The following ESRP1 variants were observed in gnomAD, a reference collection of about 807,000 sequenced individuals.
ESRP1 encodes the protein RNA-binding motif protein 35A.
ESRP1 carries 33 observed loss-of-function variants against 81.7 expected under a neutral mutation model. The ratio of observed to expected loss-of-function variants is 0.40; its 90% CI spans 0.31 to 0.54. The LOEUF is 0.54. Ranked by LOEUF, ESRP1 falls within the 20% of genes least tolerant of loss-of-function variation. The pLI is 0.41. For missense variants in ESRP1, 672 were observed against 833.1 expected (o/e 0.81, Z 2.38); for synonymous variants, 320 against 303.3 (o/e 1.06, Z -0.57).
chr8:94,660,698 C>T (rs190408412), intron 4 of ESRP1, among the ~76,000 whole-genome samples: 268 of 99,440 alleles, frequency 2.7e-3, no homozygotes, highest in Middle Eastern at 0.024. Context: ...GGCAACAGAG[C>T]GAGACTATCT....
intron 3 of ESRP1, 48 bp from the exon 4 acceptor site, chr8:94,646,120 T>C (rs940500348): frequency 9.1e-7 from 1 of 1,094,332 alleles, no homozygotes; most frequent in African/African-American, 1.6e-5. Flanking sequence ...GAGAGAAACA[T>C]TGAACCAAAT....
At chr8:94,691,490 T>C (rs796847867) in intron 13 of ESRP1, among the ~76,000 whole-genome samples, 5 of 152,352 alleles carry the variant, frequency 3.3e-5, no homozygotes, top group African/African-American at 1.2e-4. Context: ...TAATTTGATA[T>C]GTTAAGTCAC....
intron 4 of ESRP1, among the ~76,000 whole-genome samples, chr8:94,661,445 C>T (rs1185147589): frequency 6.6e-6 from 1 of 152,038 alleles, no homozygotes; most frequent in Non-Finnish European, 1.5e-5. Context: ...TAGTGGGAAA[C>T]ACAAAAAATT....
In ESRP1 at chr8:94,641,364, G is replaced by T. The variant is rs1586163300; in HGVS notation, c.46G>T (p.Ala16Ser). The T allele has an allele frequency of 6.2e-7, 1 of 1,613,804 alleles. No individual in the cohort carries two copies. The highest frequency in any genetic ancestry group is 2.2e-5 in the East Asian group (1 of 44,870). The change falls in exon 1 of 16, where the codon GCT becomes TCT. Residue 16 changes from alanine (A) to serine (S), a missense_variant. Physicochemically the swap from Ala to Ser is moderately conservative, Grantham distance 99. Coordinates refer to ENST00000433389, the MANE Select transcript of ESRP1 (RefSeq NM_017697.4). ...CTTGGTGGTGCTTTTTGGGATCACT[G>T]CTGGGGCCACCGGGGCCAAGCTAGG... is the stretch of plus-strand genomic sequence containing the variant. Reference protein sequence around the residue: ...DYLVVLFGITAGATGAKLGSD... With the variant: ...DYLVVLFGITSGATGAKLGSD...
intron 6 of ESRP1, among the ~76,000 whole-genome samples, chr8:94,663,013 A>G (rs942122167): frequency 6.6e-6 from 1 of 152,172 alleles, no homozygotes; most frequent in Non-Finnish European, 1.5e-5. Context: ...TCTGTAAAAG[A>G]AGGTTGTATT....
At chr8:94,663,204 T>C (rs1398662841) in intron 6 of ESRP1, among the ~76,000 whole-genome samples, 1 of 152,208 alleles carries the variant, frequency 6.6e-6, no homozygotes, top group Non-Finnish European at 1.5e-5. Flanking sequence ...GTTCACAATT[T>C]TTACTGAGAT....
At chr8:94,690,774 G>A (rs1348779493) in intron 13 of ESRP1, among the ~76,000 whole-genome samples, 1 of 152,188 alleles carries the variant, frequency 6.6e-6, no homozygotes, top group Admixed American at 6.5e-5. Context: ...AGCTGTGAAA[G>A]TAAGTTGTAT....
chr8:94,650,746 T>C (rs777984945), intron 4 of ESRP1, among the ~76,000 whole-genome samples: 2 of 152,146 alleles, frequency 1.3e-5, no homozygotes, highest in East Asian at 1.9e-4. Context: ...GGAGTCTTGC[T>C]GTATTGCCCA....
chr8:94,672,371 A>G (rs1819370881), intron 11 of ESRP1, among the ~76,000 whole-genome samples: 1 of 152,184 alleles, frequency 6.6e-6, no homozygotes, highest in Non-Finnish European at 1.5e-5. Context: ...ATCTAACTGA[A>G]TTCTTCCATA....
chr8:94,658,815 G>A (rs2130591429), intron 4 of ESRP1, among the ~76,000 whole-genome samples: 1 of 152,312 alleles, frequency 6.6e-6, no homozygotes, highest in South Asian at 2.1e-4. Flanking sequence ...GAAAGTCAAT[G>A]TTAGGTTTTG....
chr8:94,672,856 G>A (rs1819397247), intron 11 of ESRP1, among the ~76,000 whole-genome samples: 1 of 152,360 alleles, frequency 6.6e-6, no homozygotes, highest in Non-Finnish European at 1.5e-5. Flanking sequence ...TAAATGCAAA[G>A]CTGTATTAAT....
At position 94,668,009 on chromosome 8, in the gene ESRP1, G is replaced by T. The variant is rs766582289; in HGVS notation, c.992G>T (p.Arg331Leu). 1 of 1,612,686 alleles carries T rather than the reference G, an allele frequency of 6.2e-7. No individual in the cohort carries two copies. Among genetic ancestry groups the T allele is most frequent in the Non-Finnish European group, 8.5e-7 (1 of 1,179,044 alleles). The change falls in exon 10 of 16, where the codon CGG (arginine) becomes CTG (leucine). Residue 331 changes from arginine to leucine, a missense_variant. By Grantham distance (102) the Arg-to-Leu change is moderately radical (BLOSUM62 -2). Coordinates refer to ENST00000433389, the MANE Select transcript of ESRP1 (RefSeq NM_017697.4). Reference sequence around the variant, plus strand: ...GAAAATCAAGTCATTGTCCGCATGCGGGGGCTCCCTTTCACGGCCACAGCT... The same window carrying T: ...GAAAATCAAGTCATTGTCCGCATGCTGGGGCTCCCTTTCACGGCCACAGCT... ...SKENQVIVRM[R>L]GLPFTATAEE...
chr8:94,678,187 C>G lies in ESRP1; in HGVS notation c.1652-16C>G. 2 of 1,612,746 alleles carry G rather than the reference C, an allele frequency of 1.2e-6. No individual in the cohort carries two copies. The highest frequency in any genetic ancestry group is 1.3e-5 in the African/African-American group (1 of 75,022). ...GTTACAAATATGTCTCAAAGAATCT[C>G]TCTTTGCATATCTAGGCCTGTCTCC... On this transcript the variant is annotated splice_polypyrimidine_tract_variant and intron_variant, in intron 12 of 15. Transcript: ENST00000433389.
At chr8:94,642,136 C>T (rs1046933275) in intron 2 of ESRP1, 52 bp downstream of exon 2, 13 of 1,583,778 alleles carry the variant, frequency 8.2e-6, no homozygotes, top group African/African-American at 1.3e-5. Flanking sequence ...AACCCCACCG[C>T]ACCCTACGCC....
At chr8:94,704,766 GAAAAAAAAAAA>G (rs10618511) in intron 15 of ESRP1, among the ~76,000 whole-genome samples, 8 of 108,752 alleles carry the variant, frequency 7.4e-5, no homozygotes, top group East Asian at 7.0e-4. Flanking sequence ...ATCTCTTTTT[GAAAAAAAAAAA>G]AAAAAAAAAA....
chr8:94,699,448 C>T (rs1212703356), intron 15 of ESRP1, among the ~76,000 whole-genome samples: 2 of 151,884 alleles, frequency 1.3e-5, no homozygotes, highest in Admixed American at 1.3e-4. Flanking sequence ...TTGAGACCAG[C>T]CTGGGCAACA....
At chr8:94,695,729 T>G (rs1809579396) in intron 14 of ESRP1, among the ~76,000 whole-genome samples, 1 of 146,210 alleles carries the variant, frequency 6.8e-6, no homozygotes, top group African/African-American at 2.8e-5. Flanking sequence ...TATAATTTTT[T>G]TATGTATTTT....
At position 94,662,545 on chromosome 8, in the gene ESRP1, A is replaced by G; in HGVS notation, c.634A>G (p.Ser212Gly). 6.2e-7 allele frequency: 1 copy of G among 1,607,892 alleles called. No homozygotes were observed. The change falls in exon 6 of 16, where the codon AGT becomes GGT. Residue 212 changes from serine (S) to glycine (G), a missense_variant. By Grantham distance (56) the Ser-to-Gly change is moderately conservative. Coordinates refer to ENST00000433389, the MANE Select transcript of ESRP1 (RefSeq NM_017697.4). Reference protein sequence around the residue: ...DPERVNYKFESGTCSKMELID... With the variant: ...DPERVNYKFEGGTCSKMELID... ...AGAGAGAGTGAATTACAAGTTTGAA[A>G]GTGGAACTTGGTAAGTGCTTGAGTA...
intron 15 of ESRP1, among the ~76,000 whole-genome samples, chr8:94,699,989 G>C (rs904527460): frequency 1.3e-5 from 2 of 152,044 alleles, no homozygotes; most frequent in Non-Finnish European, 2.9e-5. Context: ...TATATCCACA[G>C]TTTCATTTGA....
Sources: gnomAD v4.1 joint callset for allele counts (sites outside exome capture counted in the v4.1 genomes callset) on GRCh38, gnomAD v4.1.1 for gene constraint, MANE v1.5 for transcripts, NCBI Gene and HGNC (gene_info 2026-07-23, HGNC 2026-07-21) for gene names.